The following FAM168A variants were observed in gnomAD, a reference collection of about 807,000 sequenced individuals.
FAM168A encodes family with sequence similarity 168 member A.
Under a neutral mutation model 28.5 loss-of-function variants are expected in FAM168A, and 3 were observed. The ratio of observed to expected loss-of-function variants is 0.11; its 90% CI spans 0.05 to 0.27. FAM168A has a LOEUF of 0.27. Ranked by LOEUF, FAM168A falls within the 10% of genes least tolerant of loss-of-function variation. The pLI, the probability that FAM168A is intolerant of heterozygous loss-of-function variation, is 1.00. For missense variants in FAM168A, 222 were observed against 311.5 expected (o/e 0.71, Z 2.16); for synonymous variants, 122 against 124.2 (o/e 0.98, Z 0.12).
At chr11:73,513,191 T>A (rs1302341994) in intron 1 of FAM168A, among the ~76,000 whole-genome samples, 2 of 150,818 alleles carry the variant, frequency 1.3e-5, no homozygotes, top group Admixed American at 6.6e-5. Flanking sequence ...GTCAAAGTTT[T>A]GTTTTTTTTT....
At chr11:73,426,053 G>T (rs1866879559) in intron 3 of FAM168A, among the ~76,000 whole-genome samples, 1 of 152,162 alleles carries the variant, frequency 6.6e-6, no homozygotes, top group Admixed American at 6.5e-5. Context: ...TGTAAAATGG[G>T]AATAATGTAT....
intron 1 of FAM168A, among the ~76,000 whole-genome samples, chr11:73,526,616 T>A (rs894778883): frequency 6.6e-6 from 1 of 152,164 alleles, no homozygotes; most frequent in Non-Finnish European, 1.5e-5. Context: ...GAAAACATCA[T>A]AGCTCAATAT....
intron 1 of FAM168A, among the ~76,000 whole-genome samples, chr11:73,558,176 C>T (rs775663053): frequency 5.3e-5 from 8 of 151,922 alleles, no homozygotes; most frequent in African/African-American, 1.7e-4. Flanking sequence ...GTGCATCAAA[C>T]GATATTATCA....
At chr11:73,446,782 A>C (rs1473620849) in intron 2 of FAM168A, among the ~76,000 whole-genome samples, 1 of 152,218 alleles carries the variant, frequency 6.6e-6, no homozygotes, top group African/African-American at 2.4e-5. Flanking sequence ...TCTTGACTGA[A>C]GTATCAACAC....
chr11:73,526,429 C>A (rs1275434905), intron 1 of FAM168A, among the ~76,000 whole-genome samples: 1 of 152,156 alleles, frequency 6.6e-6, no homozygotes, highest in Non-Finnish European at 1.5e-5. Flanking sequence ...TGCCTGAGTT[C>A]TAATTCTAAC....
At chr11:73,471,991 G>C (rs1867821003) in intron 1 of FAM168A, among the ~76,000 whole-genome samples, 1 of 152,114 alleles carries the variant, frequency 6.6e-6, no homozygotes, top group African/African-American at 2.4e-5. Context: ...CTCACCTCCT[G>C]TCAGATCCGA....
At position 73,411,459 on chromosome 11, in the gene FAM168A, T is replaced by C; in HGVS notation, c.355A>G (p.Asn119Asp). The C allele has an allele frequency of 5.0e-6, 8 of 1,613,372 alleles. No individual in the cohort carries two copies. The highest frequency in any genetic ancestry group is 5.9e-6 in the Non-Finnish European group (7 of 1,179,636). ...GGATACATGGCCGTCTGATAGGGGT[T>C]GGGTGATGGGGAGTAGGGGGGTGGA... ...TAPPPYSPSP[N>D]PYQTAMYPIR... The change falls in exon 5 of 8, where the codon AAC (asparagine) becomes GAC (aspartate). Residue 119 changes from asparagine to aspartate, a missense_variant. Asn to Asp is a conservative substitution (Grantham distance 23). Around this residue, in one of 3 missense-constraint regions of FAM168A, gnomAD observed 153 missense variants for 189.2 expected, o/e 0.81. Coordinates refer to ENST00000356467, the MANE Select transcript of FAM168A (RefSeq NM_015159.3).
intron 1 of FAM168A, among the ~76,000 whole-genome samples, chr11:73,532,586 T>C (rs146806913): frequency 8.5e-5 from 13 of 152,346 alleles, no homozygotes; most frequent in African/African-American, 2.4e-4. Flanking sequence ...GGAATCAGTT[T>C]TTTGCAAGTC....
At chr11:73,559,770 G>T (rs1943935838) in intron 1 of FAM168A, among the ~76,000 whole-genome samples, 1 of 152,150 alleles carries the variant, frequency 6.6e-6, no homozygotes, top group Admixed American at 6.5e-5. Context: ...ACTTTAAAGT[G>T]GTTAATTTCA....
At chr11:73,567,610 G>A (rs1294478012) in intron 1 of FAM168A, among the ~76,000 whole-genome samples, 1 of 152,064 alleles carries the variant, frequency 6.6e-6, no homozygotes, top group Non-Finnish European at 1.5e-5. Context: ...CAAAATAACT[G>A]AGCACATGCA....
At chr11:73,495,735 C>T (rs1854861350) in intron 1 of FAM168A, among the ~76,000 whole-genome samples, 1 of 151,932 alleles carries the variant, frequency 6.6e-6, no homozygotes, top group Admixed American at 6.6e-5. Flanking sequence ...CACCTCACAC[C>T]CATTAAGATG....
intron 7 of FAM168A, 23 bp from the exon 8 acceptor site, chr11:73,406,767 A>G (rs1866513749): frequency 6.6e-6 from 1 of 152,634 alleles, no homozygotes; most frequent in South Asian, 2.1e-4. Context: ...AGGGGAAAGA[A>G]ACAGTGTCAG....
chr11:73,445,320 T>A (rs978335326), intron 2 of FAM168A, among the ~76,000 whole-genome samples: 14 of 151,966 alleles, frequency 9.2e-5, no homozygotes, highest in African/African-American at 3.1e-4. Context: ...TAATCTCTTA[T>A]TGTTAGACAT....
chr11:73,503,925 T>C (rs185026128), intron 1 of FAM168A, among the ~76,000 whole-genome samples: 1 of 152,178 alleles, frequency 6.6e-6, no homozygotes, highest in Non-Finnish European at 1.5e-5. Context: ...ATTCAGTAAA[T>C]GGTGCCGGGA....
intron 5 of FAM168A, among the ~76,000 whole-genome samples, chr11:73,410,125 G>A (rs755565167): frequency 9.9e-5 from 15 of 151,990 alleles, no homozygotes; most frequent in Non-Finnish European, 2.2e-4. Context: ...AAAAAATGGC[G>A]GCTGGACACA....
intron 1 of FAM168A, among the ~76,000 whole-genome samples, chr11:73,488,571 AAG>A (rs1475235961): frequency 6.6e-5 from 10 of 152,300 alleles, no homozygotes; most frequent in East Asian, 3.9e-4. Flanking sequence ...AATCATCGAA[AAG>A]AGAGTTTTCA....
intron 1 of FAM168A, among the ~76,000 whole-genome samples, chr11:73,594,930 G>A (rs1944427190): frequency 6.6e-6 from 1 of 152,098 alleles, no homozygotes; most frequent in African/African-American, 2.4e-5. Context: ...TGGGCTATTC[G>A]TTCCACAAAG....
rs529507785 is a variant in FAM168A, at chr11:73,404,097, A to G, written c.*2666T>C. 2.6e-5 allele frequency: 4 copies of G among 152,364 alleles called. No homozygotes were observed. Among genetic ancestry groups the G allele is most frequent in the East Asian group, 3.9e-4 (2 of 5,192 alleles). 9.4% of individuals were successfully genotyped at this position (152,364 alleles called of 1,614,324 possible). On this transcript the variant is annotated 3_prime_UTR_variant, in exon 8 of 8. Coordinates refer to ENST00000356467, the MANE Select transcript of FAM168A (RefSeq NM_015159.3). ...AACCTCTATTTCATCGGGTTAAACCAGATAATTTATGTTCAACTGTTCTGT... is the reference window on the plus strand; with the variant it reads ...AACCTCTATTTCATCGGGTTAAACCGGATAATTTATGTTCAACTGTTCTGT...
intron 1 of FAM168A, among the ~76,000 whole-genome samples, chr11:73,579,937 A>C (rs59570366): frequency 0.056 from 8,583 of 152,262 alleles, 835 homozygotes; most frequent in African/African-American, 0.2. Flanking sequence ...TACCTTAAGC[A>C]GTATCTTGTA....
Sources: allele counts gnomAD v4.1 joint callset (sites outside exome capture counted in the v4.1 genomes callset), GRCh38; gene constraint gnomAD v4.1.1; regional missense constraint gnomAD v4.1.1; transcripts MANE v1.5; gene names NCBI Gene and HGNC (gene_info 2026-07-23, HGNC 2026-07-21).